The following CMPK2 variants were observed in gnomAD, a reference collection of about 807,000 sequenced individuals.
The protein encoded by CMPK2 is UMP-CMP kinase 2, mitochondrial.
A neutral mutation model predicts 33.4 loss-of-function variants in CMPK2; 32 were observed. The ratio of observed to expected loss-of-function variants is 0.96; its 90% CI spans 0.72 to 1.29. The LOEUF (loss-of-function observed/expected upper bound fraction) is 1.29. Ranked by LOEUF, CMPK2 falls within the 50% of genes most tolerant of loss-of-function variation. The pLI is 0.00. For synonymous variants in CMPK2, 299 were observed against 275.3 expected (o/e 1.09, Z -0.85); for missense variants, 672 against 616.0 (o/e 1.09, Z -0.96).
chr2:6,849,539 T>A lies in CMPK2; in HGVS notation c.*311A>T. 2 of 1,112,626 alleles carry A rather than the reference T, an allele frequency of 1.8e-6. No individual in the cohort carries two copies. Among genetic ancestry groups the A allele is most frequent in the Non-Finnish European group, 2.2e-6 (2 of 909,684 alleles). 68.9% of individuals were successfully genotyped at this position (1,112,626 alleles called of 1,614,324 possible). A position where few individuals can be genotyped will look rare whatever the true frequency, so the allele number is the denominator to read the frequency against. Reference sequence around the variant, plus strand: ...TTCTGTACACCTGGTGCTGTCTGAGTAAGACAGGTCTTCCAGATATTTGGT... The same window carrying A: ...TTCTGTACACCTGGTGCTGTCTGAGAAAGACAGGTCTTCCAGATATTTGGT... On this transcript the variant is annotated 3_prime_UTR_variant, in exon 5 of 5. Transcript: ENST00000256722.
chr2:6,865,409 C>A lies in CMPK2; in HGVS notation c.288G>T (p.Gln96His). ...CGCGGCGCAGCTGGTGCAGCAGGCGCTGGTGCAGCCGCGCCGCCCGGACCC... is the reference window on the plus strand; with the variant it reads ...CGCGGCGCAGCTGGTGCAGCAGGCGATGGTGCAGCCGCGCCGCCCGGACCC... ...GARVRAARLH[Q>H]RLLHQLRRGP... is the part of the protein sequence containing the mutation. Residue 96 changes from glutamine (Q) to histidine (H), a missense_variant, in exon 1 of 5, where the codon CAG becomes CAT. Transcript: ENST00000256722. 2.2e-6 allele frequency: 3 copies of A among 1,335,496 alleles called. No individual in the cohort carries two copies. Among genetic ancestry groups the A allele is most frequent in the Non-Finnish European group, 2.9e-6 (3 of 1,050,930 alleles). The allele number at this position is 1,335,496 out of a possible 1,614,324, so 82.7% of individuals were successfully genotyped here. A position where few individuals can be genotyped will look rare whatever the true frequency, so the allele number is the denominator to read the frequency against.
intron 1 of CMPK2, among the ~76,000 whole-genome samples, chr2:6,863,962 G>A (rs1243427808): frequency 6.6e-6 from 1 of 152,236 alleles, no homozygotes; most frequent in African/African-American, 2.4e-5. Context: ...GGAGAGAGCA[G>A]TCTTCATCTG....
At chr2:6,865,986 T>G (rs1395467069), upstream of CMPK2, 13 of 812,876 alleles carry the variant, frequency 1.6e-5, no homozygotes, top group East Asian at 5.5e-5. Flanking sequence ...GCCTGCGCGG[T>G]CCCCAGGCGC....
chr2:6,861,131 C>T (rs1359891021), intron 3 of CMPK2, 53 bp downstream of exon 3: 1 of 797,066 alleles, frequency 1.3e-6, no homozygotes, highest in East Asian at 3.2e-5. Context: ...CACACACCCA[C>T]ACACTTATAT....
At chr2:6,847,059 G>A (rs186724713), downstream of CMPK2, among the ~76,000 whole-genome samples, 212 of 152,298 alleles carry the variant, frequency 1.4e-3, no homozygotes, top group African/African-American at 5.0e-3. Context: ...GCAGAAGGGG[G>A]AGCTCTAATG....
At chr2:6,847,623 C>T, downstream of CMPK2, among the ~76,000 whole-genome samples, 1 of 152,296 alleles carries the variant, frequency 6.6e-6, no homozygotes, top group South Asian at 2.1e-4. Flanking sequence ...TCTCTGGGGA[C>T]CCTTCCCTTG....
intron 3 of CMPK2, among the ~76,000 whole-genome samples, chr2:6,857,797 G>A (rs181364132): frequency 5.9e-5 from 9 of 151,614 alleles, no homozygotes; most frequent in East Asian, 5.9e-4. Flanking sequence ...CACCTCGCCC[G>A]GCTAATTTTT....
chr2:6,856,913 A>G (rs922069004), intron 3 of CMPK2, among the ~76,000 whole-genome samples: 6 of 152,130 alleles, frequency 3.9e-5, no homozygotes, highest in African/African-American at 1.4e-4. Context: ...TCTCCTGTTG[A>G]TGGGCTTTAG....
At chr2:6,855,460 C>T (rs1662659363) in intron 3 of CMPK2, among the ~76,000 whole-genome samples, 1 of 152,068 alleles carries the variant, frequency 6.6e-6, no homozygotes, top group Non-Finnish European at 1.5e-5. Context: ...TGTCAGTCAA[C>T]TAAACCTCTT....
intron 3 of CMPK2, among the ~76,000 whole-genome samples, chr2:6,857,287 C>G (rs1344794482): frequency 6.6e-6 from 1 of 150,762 alleles, no homozygotes; most frequent in Non-Finnish European, 1.5e-5. Flanking sequence ...ATTTTTAAAG[C>G]TATTTTTTTC....
In CMPK2 at chr2:6,865,672, G is replaced by A. The variant is rs1445484537; in HGVS notation, c.25C>T (p.Arg9Cys). The change falls in exon 1 of 5, where the codon CGC becomes TGC. Residue 9 changes from arginine to cysteine, a missense_variant. Transcript: ENST00000256722. ...AGCAGCGGCCCCGACAGTGGCCCGC[G>A]CAGGAGCCGGCGGGCGAAGGCCATG... MAFARRLL[R>C]GPLSGPLLGR... 3.8e-6 allele frequency: 5 copies of A among 1,305,362 alleles called. No homozygotes were observed. The East Asian group carries it at 9.6e-5, about 25-fold the overall frequency. The allele number at this position is 1,305,362 out of a possible 1,614,324, so 80.9% of individuals were successfully genotyped here.
rs190033888 is a variant in CMPK2 at position 6,863,691 on chromosome 2, A to T, written c.676-113T>A. 2.3e-5 allele frequency: 16 copies of T among 690,220 alleles called. No individual in the cohort carries two copies. In the African/African-American group the frequency reaches 2.7e-4, roughly 12 times the overall value. The allele number at this position is 690,220 out of a possible 1,614,324, so 42.8% of individuals were successfully genotyped here. On this transcript the variant is annotated intron_variant, in intron 1 of 4. Coordinates refer to ENST00000256722, the MANE Select transcript of CMPK2 (RefSeq NM_207315.4). ...TGCTAATAAGGCCTAAGTTATACTG[A>T]GCACTGTGCCAGGCCATGGGAATTC...
At chr2:6,861,523 A>G in intron 2 of CMPK2, 138 bp from the exon 3 acceptor site, 1 of 692,062 alleles carries the variant, frequency 1.4e-6, no homozygotes, top group South Asian at 1.9e-5. Flanking sequence ...AAAAAGCTGT[A>G]GACCCATAGG....
chr2:6,850,957 G>A (rs934991978), intron 4 of CMPK2: 2 of 989,204 alleles, frequency 2.0e-6, no homozygotes, highest in Middle Eastern at 5.2e-4. Context: ...GGTTTTACTA[G>A]TGAATAGTTA....
At chr2:6,844,204 C>A (rs1274690876), downstream of CMPK2, among the ~76,000 whole-genome samples, 1 of 152,064 alleles carries the variant, frequency 6.6e-6, no homozygotes, top group Non-Finnish European at 1.5e-5. Context: ...ACCAGTAGAG[C>A]CTCTGTTTTT....
chr2:6,866,435 A>G (rs1663093097), upstream of CMPK2: 1 of 985,456 alleles, frequency 1.0e-6, no homozygotes, highest in Admixed American at 6.1e-5. Context: ...CCTGTGCACA[A>G]GCTTTTCCCT....
At chr2:6,851,321 A>T in intron 4 of CMPK2, 129 bp downstream of exon 4, 1 of 1,501,884 alleles carries the variant, frequency 6.7e-7, no homozygotes, top group South Asian at 1.3e-5. Flanking sequence ...AGTAACTTAG[A>T]GGATGTTGTC....
intron 1 of CMPK2, 24 bp downstream of exon 1, chr2:6,864,998 G>C: frequency 1.4e-6 from 2 of 1,401,794 alleles, no homozygotes. Context: ...CACGCTGGGA[G>C]CTGGAAGCGG....
At chr2:6,850,121 T>A (rs920511589) in intron 4 of CMPK2, 148 bp from the exon 5 acceptor site, 1 of 597,966 alleles carries the variant, frequency 1.7e-6, no homozygotes, top group Non-Finnish European at 2.9e-6. Context: ...ACAGAAGACG[T>A]TCATGCATTT....
Sources: gnomAD v4.1 joint callset for allele counts (sites outside exome capture counted in the v4.1 genomes callset) on GRCh38, gnomAD v4.1.1 for gene constraint, MANE v1.5 for transcripts, NCBI Gene and HGNC (gene_info 2026-07-23, HGNC 2026-07-21) for gene names.